The following ASB7 variants were observed in gnomAD, a reference collection of about 807,000 sequenced individuals.
ASB7 encodes ankyrin repeat and SOCS box protein 7.
ASB7 carries 4 observed loss-of-function variants against 32.5 expected under a neutral mutation model. The observed-to-expected ratio is 0.12, with a 90% CI of 0.06 to 0.28. ASB7 has a LOEUF of 0.28. ASB7 is among the 10% of genes least tolerant of loss of function. The probability of loss-of-function intolerance (pLI) is 1.00; values close to 1 mark genes in which losing one functional copy is unlikely to be tolerated. For synonymous variants in ASB7, 172 were observed against 155.6 expected (o/e 1.11, Z -0.78); for missense variants, 181 against 407.1 (o/e 0.44, Z 4.78).
At chr15:100,619,312 C>A (rs2039771422) in intron 4 of ASB7, among the ~76,000 whole-genome samples, 2 of 152,140 alleles carry the variant, frequency 1.3e-5, no homozygotes, top group Admixed American at 1.3e-4. Flanking sequence ...TGGAATATAT[C>A]CAATAATTTA....
At chr15:100,610,547 G>A (rs2039686989) in intron 3 of ASB7, among the ~76,000 whole-genome samples, 1 of 151,812 alleles carries the variant, frequency 6.6e-6, no homozygotes, top group African/African-American at 2.4e-5. Flanking sequence ...TGAGGAAATA[G>A]CTATTTGTAG....
chr15:100,646,138 T>G (rs1216172062), intron 5 of ASB7: 25 of 409,060 alleles, frequency 6.1e-5, no homozygotes, highest in South Asian at 4.0e-4. Flanking sequence ...TTTGTTTCTC[T>G]GGACATTCCA....
At chr15:100,635,460 C>G (rs960990588) in intron 5 of ASB7, among the ~76,000 whole-genome samples, 2 of 152,038 alleles carry the variant, frequency 1.3e-5, no homozygotes, top group African/African-American at 4.8e-5. Context: ...AGTCCTTTGA[C>G]CTGAGGCTTT....
chr15:100,624,669 T>C (rs1219817294), intron 4 of ASB7, among the ~76,000 whole-genome samples: 2 of 152,218 alleles, frequency 1.3e-5, no homozygotes, highest in African/African-American at 4.8e-5. Flanking sequence ...GAGAAGACTT[T>C]AGGTCCAGCT....
intron 4 of ASB7, among the ~76,000 whole-genome samples, chr15:100,622,222 C>A (rs1050547062): frequency 9.6e-5 from 2 of 20,800 alleles, no homozygotes; most frequent in East Asian, 2.0e-3. Context: ...AGAAAAAAAA[C>A]CCAACAACCT....
chr15:100,614,992 C>T (rs1180114610), intron 4 of ASB7, among the ~76,000 whole-genome samples: 2 of 152,066 alleles, frequency 1.3e-5, no homozygotes, highest in African/African-American at 4.8e-5. Context: ...ATTATAATAC[C>T]ATGTTTTACT....
Position 100,649,297 on chromosome 15 carries a change from C to G in ASB7, c.*835C>G, listed in dbSNP as rs1430356177. 2 of 152,208 alleles carry G rather than the reference C, an allele frequency of 1.3e-5. No individual in the cohort carries two copies. Among genetic ancestry groups the G allele is most frequent in the East Asian group, 3.8e-4 (2 of 5,196 alleles). 9.4% of individuals were successfully genotyped at this position (152,208 alleles called of 1,614,324 possible). A position where few individuals can be genotyped will look rare whatever the true frequency, so the allele number is the denominator to read the frequency against. On this transcript the variant is annotated 3_prime_UTR_variant, in exon 6 of 6. Transcript: ENST00000332783. ...TCACTTGCTGGTCGTCATTTCACAG[C>G]CAGCTTTGACATGCCCGTGAGGACA...
intron 2 of ASB7, among the ~76,000 whole-genome samples, chr15:100,608,922 C>T (rs977135609): frequency 5.3e-5 from 8 of 152,160 alleles, no homozygotes; most frequent in Admixed American, 5.2e-4. Flanking sequence ...CTTTTCTTGT[C>T]TGAAGGTTTA....
chr15:100,646,476 C>T, intron 5 of ASB7: 1 of 466,914 alleles, frequency 2.1e-6, no homozygotes, highest in Non-Finnish European at 4.4e-6. Flanking sequence ...TTCACAGAAA[C>T]TGACCCTTAA....
intron 2 of ASB7, among the ~76,000 whole-genome samples, chr15:100,609,007 G>A (rs1477067072): frequency 2.6e-5 from 4 of 152,210 alleles, no homozygotes; most frequent in African/African-American, 9.6e-5. Flanking sequence ...TTATGTGGAA[G>A]TCACTTTGTG....
intron 3 of ASB7, 43 bp from the exon 4 acceptor site, chr15:100,612,123 C>T: frequency 9.8e-7 from 1 of 1,023,714 alleles, no homozygotes; most frequent in Non-Finnish European, 1.5e-6. Context: ...TATCAGGAAC[C>T]AGTTATTCTA....
rs1159267096 is a variant in ASB7, at chr15:100,629,416, T to C, written c.212-21T>C. On this transcript the variant is annotated intron_variant, in intron 4 of 5. Coordinates refer to ENST00000332783, the MANE Select transcript of ASB7 (RefSeq NM_198243.3). The surrounding 1 kb of genome is among the most constrained non-coding windows in gnomAD (Gnocchi z 6.8). The stretch of plus-strand genomic sequence containing the variant: ...TTTGTCTTGGAGTCTGCTAATACTT[T>C]CATTTTGGTTTTAACTCCAGCTGAT... 1.2e-5 allele frequency: 19 copies of C among 1,583,292 alleles called. No individual in the cohort carries two copies. The highest frequency in any genetic ancestry group is 2.2e-5 in the East Asian group (1 of 44,524).
At chr15:100,622,172 C>A in intron 4 of ASB7, among the ~76,000 whole-genome samples, 1 of 144,174 alleles carries the variant, frequency 6.9e-6, no homozygotes. Context: ...AAAAAGAAAT[C>A]ATGAAGGTAT....
At chr15:100,632,079 C>G (rs114829770) in intron 5 of ASB7, among the ~76,000 whole-genome samples, 2,391 of 152,346 alleles carry the variant, frequency 0.016, 46 homozygotes, top group African/African-American at 0.043. Flanking sequence ...AGAGCTGCCC[C>G]TAGCAGTGCT....
rs1253887438 is a variant in ASB7, at chr15:100,650,518, C to G, written c.*2056C>G. 1.3e-5 allele frequency: 2 copies of G among 152,142 alleles called. No individual in the cohort carries two copies. Among genetic ancestry groups the G allele is most frequent in the East Asian group, 3.9e-4 (2 of 5,182 alleles). 9.4% of individuals were successfully genotyped at this position (152,142 alleles called of 1,614,324 possible). ...TGTTCATGTTACACTTGCACAAGGG[C>G]TGATTTCCACGTATGTGTGTGTTAA... On this transcript the variant is annotated 3_prime_UTR_variant, in exon 6 of 6. Transcript: ENST00000332783.
intron 4 of ASB7, among the ~76,000 whole-genome samples, chr15:100,614,093 C>T (rs926149673): frequency 2.0e-5 from 3 of 151,902 alleles, no homozygotes; most frequent in Non-Finnish European, 2.9e-5. Context: ...GCCAACGTGG[C>T]GAAACCCCAT....
intron 5 of ASB7, among the ~76,000 whole-genome samples, chr15:100,644,585 T>C (rs2039984989): frequency 1.3e-5 from 2 of 152,240 alleles, no homozygotes; most frequent in South Asian, 4.1e-4. Flanking sequence ...TGGGTTTACA[T>C]TGGCAAATGG....
intron 5 of ASB7, chr15:100,646,762 G>A (rs2039999683): frequency 6.5e-6 from 1 of 154,282 alleles, no homozygotes; most frequent in Non-Finnish European, 1.4e-5. Context: ...ACACTGCACA[G>A]GTAAGCGAGA....
rs111349661 is a variant in ASB7 at position 100,648,237 on chromosome 15, C to CT, written c.818-86_818-85insT. 2.3e-4 allele frequency: 313 copies of CT among 1,371,990 alleles called. No homozygotes were observed. In the African/African-American group the frequency reaches 3.5e-3, roughly 16 times the overall value. 85.0% of individuals were successfully genotyped at this position (1,371,990 alleles called of 1,614,324 possible). A position where few individuals can be genotyped will look rare whatever the true frequency, so the allele number is the denominator to read the frequency against. On this transcript the variant is annotated intron_variant, in intron 5 of 5. Transcript: ENST00000332783. ...CATGTCAAGTCCATAGAGAGAACTT[C>CT]CAGGGAAATGAACAGTTCTTTTCAA...
Sources: gnomAD v4.1 joint callset for allele counts (sites outside exome capture counted in the v4.1 genomes callset) on GRCh38, gnomAD v4.1.1 for gene constraint, Gnocchi (gnomAD v3.1) non-coding constraint, MANE v1.5 for transcripts, NCBI Gene and HGNC (gene_info 2026-07-23, HGNC 2026-07-21) for gene names.